P2RY8: variants seen among roughly 807,000 people sequenced by gnomAD.
The protein encoded by P2RY8 is S-geranylgeranyl-glutathione receptor P2RY8.
Under a neutral mutation model 10.0 loss-of-function variants are expected in P2RY8, and 6 were observed. That is an observed-to-expected ratio of 0.60 (90% CI 0.33 to 1.19). The LOEUF is 1.19. P2RY8 is among the 50% of genes most tolerant of loss of function. The pLI is 0.04. For missense variants in P2RY8, 456 were observed against 542.0 expected (o/e 0.84, Z 1.58); for synonymous variants, 276 against 252.5 (o/e 1.09, Z -0.88).
In P2RY8 at chrX:1,466,369, T is replaced by G. The variant is rs1372430112; in HGVS notation, c.190A>C (p.Asn64His). Residue 64 changes from asparagine to histidine, a missense_variant, in exon 2 of 2, where the codon AAC becomes CAC. Physicochemically the swap from Asn to His is moderately conservative, Grantham distance 68. Transcript: ENST00000381297. ...AGCATCAGGTCCGTGACGCTCAGGT[T>G]GATCATGAAGATGACCGACGGGGAT... ...PRSPSVIFMI[N>H]LSVTDLMLAS... 2.5e-6 allele frequency: 4 copies of G among 1,613,652 alleles called. No homozygotes were observed. Among genetic ancestry groups the G allele is most frequent in the Non-Finnish European group, 3.4e-6 (4 of 1,179,846 alleles).
intron 1 of P2RY8, among the ~76,000 whole-genome samples, chrX:1,535,320 T>G (rs1245005939): frequency 6.7e-6 from 1 of 148,828 alleles, no homozygotes; most frequent in Non-Finnish European, 1.5e-5. Context: ...GCCGAGTAAC[T>G]GGGATGACAG....
chrX:1,493,438 A>G (rs866026458), intron 1 of P2RY8, among the ~76,000 whole-genome samples: 259 of 7,966 alleles, frequency 0.033, 3 homozygotes, highest in African/African-American at 0.063. Flanking sequence ...GAGGGAGGGA[A>G]GGAGGAGGAA....
chrX:1,531,280 A>G (rs1442797030), intron 1 of P2RY8, among the ~76,000 whole-genome samples: 3 of 152,188 alleles, frequency 2.0e-5, no homozygotes, highest in African/African-American at 7.2e-5. Flanking sequence ...TGGCCCCACC[A>G]CAGGGAATTC....
Position 1,465,539 on chromosome X carries a change from G to A in P2RY8, c.1020C>T (p.His340=). ...TGGTGGCTCCCTCCATCCCTTCAGG[G>A]TGCGCACCGGCCTCGGAGCGCACGG... The part of the protein sequence containing the change: ...TTSVRSEAGA[H]PEGMEGATRP... Residue 340 remains histidine (H), a synonymous_variant, in exon 2 of 2, where the codon CAC becomes CAT. Transcript: ENST00000381297. The A allele has an allele frequency of 6.2e-7, 1 of 1,612,026 alleles. No homozygotes were observed. Among genetic ancestry groups the A allele is most frequent in the Non-Finnish European group, 8.5e-7 (1 of 1,179,700 alleles).
At chrX:1,535,752 A>T (rs867460396) in intron 1 of P2RY8, among the ~76,000 whole-genome samples, 8 of 138,252 alleles carry the variant, frequency 5.8e-5, no homozygotes, top group African/African-American at 1.9e-4. Context: ...CACACACACA[A>T]ACCCTTTTCT....
intron 1 of P2RY8, among the ~76,000 whole-genome samples, chrX:1,529,242 T>C (rs771354559): frequency 1.5e-4 from 23 of 152,244 alleles, no homozygotes; most frequent in Non-Finnish European, 2.1e-4. Flanking sequence ...CTTACTTTAT[T>C]ATAGTAACAA....
At chrX:1,528,691 T>G (rs2092454562) in intron 1 of P2RY8, among the ~76,000 whole-genome samples, 1 of 152,164 alleles carries the variant, frequency 6.6e-6, no homozygotes, top group Non-Finnish European at 1.5e-5. Context: ...ATTGTGGACT[T>G]GAGTCTCTTT....
At chrX:1,484,973 G>GATGTAATA (rs1269057886) in intron 1 of P2RY8, among the ~76,000 whole-genome samples, 1 of 136,550 alleles carries the variant, frequency 7.3e-6, no homozygotes, top group Non-Finnish European at 1.5e-5. Context: ...ATTCCTTAAT[G>GATGTAATA]ATGTAATAAT....
In P2RY8 at chrX:1,511,747, G is replaced by A. The variant is rs192720222; in HGVS notation, c.-25+25174C>T. On this transcript the variant is annotated intron_variant, in intron 1 of 1. Transcript: ENST00000381297. ...GACGGCACTGAGCATTGCCTTCAAC[G>A]GCATGTCTACGGATGGCCAGCTGGG... is the stretch of plus-strand genomic sequence containing the variant. Among the ~76,000 whole-genome samples the A allele has an allele frequency of 4.0e-3, 604 of 152,298 alleles. 4 individuals are homozygous for A. The highest frequency in any genetic ancestry group is 8.8e-3 in the Admixed American group (134 of 15,302).
chrX:1,483,029 C>A (rs1208333911), intron 1 of P2RY8, among the ~76,000 whole-genome samples: 4 of 152,012 alleles, frequency 2.6e-5, no homozygotes, highest in African/African-American at 9.7e-5. Flanking sequence ...ACCAACATGG[C>A]ACATGTATAC....
intron 1 of P2RY8, among the ~76,000 whole-genome samples, chrX:1,511,408 C>G (rs1474087965): frequency 6.6e-6 from 1 of 152,218 alleles, no homozygotes; most frequent in Non-Finnish European, 1.5e-5. Context: ...AAATTCCCAT[C>G]TCTGTCTTTT....
rs1164291365 is a variant in P2RY8 at position 1,530,125 on chromosome X, C to CTATG, written c.-25+6792_-25+6795dup. Among the ~76,000 whole-genome samples, 120 of 41,014 alleles carry CTATG rather than the reference C, an allele frequency of 2.9e-3. 1 individual carries two copies. Among genetic ancestry groups the CTATG allele is most frequent in the African/African-American group, 8.9e-3 (118 of 13,306 alleles). 26.9% of individuals were successfully genotyped at this position (41,014 alleles called of 152,430 possible). On this transcript the variant is annotated intron_variant, in intron 1 of 1. Transcript: ENST00000381297. ...TCCATGTATCTATGTATCTATGCATCTATGTATGTATGTATGTATGTATGT... is the reference window on the plus strand; with the variant it reads ...TCCATGTATCTATGTATCTATGCATCTATGTATGTATGTATGTATGTATGTATGT...
chrX:1,512,426 C>T (rs1411219746), intron 1 of P2RY8, among the ~76,000 whole-genome samples: 1 of 151,510 alleles, frequency 6.6e-6, no homozygotes, highest in African/African-American at 2.4e-5. Context: ...GGGTACCTGT[C>T]ATCCCAGCTA....
intron 1 of P2RY8, among the ~76,000 whole-genome samples, chrX:1,474,105 T>C (rs1603455600): frequency 6.7e-6 from 1 of 149,050 alleles, no homozygotes; most frequent in African/African-American, 2.5e-5. Context: ...TGGATCAGTG[T>C]TTAGATAGGT....
Position 1,464,577 on chromosome X carries a change from A to T in P2RY8, c.*902T>A, listed in dbSNP as rs1171445985. On this transcript the variant is annotated 3_prime_UTR_variant, in exon 2 of 2. Transcript: ENST00000381297. ...AATCAAGCTGCACCCTTGTGTTGGG[A>T]TGGGCTGGACCCCATCTCACGGAGC... The T allele has an allele frequency of 4.3e-6, 1 of 233,218 alleles. No individual in the cohort carries two copies. The highest frequency in any genetic ancestry group is 2.2e-5 in the African/African-American group (1 of 45,292). The allele number at this position is 233,218 out of a possible 1,614,324, so 14.4% of individuals were successfully genotyped here.
intron 1 of P2RY8, among the ~76,000 whole-genome samples, chrX:1,515,914 C>T (rs188322648): frequency 1.4e-3 from 170 of 120,678 alleles, no homozygotes; most frequent in Middle Eastern, 5.6e-3. Context: ...GGGCTCATGC[C>T]TGTAATCCCA....
intron 1 of P2RY8, among the ~76,000 whole-genome samples, chrX:1,487,330 C>T (rs1271944198): frequency 4.6e-5 from 7 of 152,116 alleles, no homozygotes; most frequent in Non-Finnish European, 8.8e-5. Flanking sequence ...CAGGTGACAT[C>T]GCCTGTTCTT....
chrX:1,510,735 C>G (rs1410537237), intron 1 of P2RY8, among the ~76,000 whole-genome samples: 1 of 151,976 alleles, frequency 6.6e-6, no homozygotes, highest in Non-Finnish European at 1.5e-5. Flanking sequence ...AAAATTAAGC[C>G]AGGCACGGTG....
intron 1 of P2RY8, among the ~76,000 whole-genome samples, chrX:1,489,279 T>G (rs1309024015): frequency 6.6e-6 from 1 of 151,370 alleles, no homozygotes; most frequent in Non-Finnish European, 1.5e-5. Flanking sequence ...CACCTAAGGA[T>G]TCCCTACAAA....
Sources: gnomAD v4.1 joint callset for allele counts (sites outside exome capture counted in the v4.1 genomes callset) on GRCh38, gnomAD v4.1.1 for gene constraint, MANE v1.5 for transcripts, NCBI Gene and HGNC (gene_info 2026-07-23, HGNC 2026-07-21) for gene names.